Variants in SUCLG2 observed in about 807,000 individuals in gnomAD.
SUCLG2 encodes succinate-CoA ligase GDP-forming subunit beta.
In SUCLG2, 42 loss-of-function variants were observed where a neutral mutation model predicts 47.9. That is an observed-to-expected ratio of 0.88 (90% CI 0.69 to 1.14). SUCLG2 has a LOEUF of 1.14. SUCLG2 is among the 50% of genes most tolerant of loss of function. SUCLG2 has a pLI of 0.00. For missense variants in SUCLG2, 571 were observed against 525.9 expected, an observed-to-expected ratio of 1.09 and a Z score of -0.84; for synonymous variants, 195 against 197.3, an observed-to-expected ratio of 0.99 and a Z score of 0.10.
At chr3:67,617,675 T>A (rs1275852507) in intron 1 of SUCLG2, among the ~76,000 whole-genome samples, 1 of 152,136 alleles carries the variant, frequency 6.6e-6, no homozygotes, top group Non-Finnish European at 1.5e-5. Context: ...TACAGAGAGA[T>A]CCTACCTACC....
intron 6 of SUCLG2, among the ~76,000 whole-genome samples, chr3:67,509,238 T>C (rs1191560509): frequency 6.6e-6 from 1 of 152,204 alleles, no homozygotes; most frequent in African/African-American, 2.4e-5. Context: ...ACAAACAAGC[T>C]CCATTTAAGT....
intron 10 of SUCLG2, among the ~76,000 whole-genome samples, chr3:67,387,722 TCTG>T (rs938846671): frequency 2.0e-5 from 3 of 152,198 alleles, no homozygotes. Context: ...CTTAATATTC[TCTG>T]CTGATTGCAT....
At chr3:67,626,272 G>T (rs931209946) in intron 1 of SUCLG2, among the ~76,000 whole-genome samples, 2 of 151,994 alleles carry the variant, frequency 1.3e-5, no homozygotes, top group Non-Finnish European at 2.9e-5. Flanking sequence ...GATTACAGGC[G>T]TGAGCCACTG....
Position 67,609,509 on chromosome 3 carries a change from T to G in SUCLG2, c.172A>C (p.Arg58=). ...TTTGCAGTGTCTGCTACAAAGAATC[T>G]TTGAACTCTCACTCCGTTGTCAGAC... The part of the protein sequence containing the change: ...LMSDNGVRVQ[R]FFVADTANEA... Residue 58 remains arginine, a synonymous_variant, in exon 2 of 11, where the codon AGA becomes CGA. Transcript: ENST00000307227. The G allele has an allele frequency of 1.2e-6, 2 of 1,613,738 alleles. No homozygotes were observed. The highest frequency in any genetic ancestry group is 1.7e-6 in the Non-Finnish European group (2 of 1,179,904).
chr3:67,385,368 G>A (rs1702238291), intron 10 of SUCLG2, among the ~76,000 whole-genome samples: 1 of 152,242 alleles, frequency 6.6e-6, no homozygotes, highest in African/African-American at 2.4e-5. Flanking sequence ...TCCTGGGGCA[G>A]ATAAGACCTG....
chr3:67,567,034 A>G (rs1292726235), intron 2 of SUCLG2, among the ~76,000 whole-genome samples: 1 of 152,092 alleles, frequency 6.6e-6, no homozygotes, highest in African/African-American at 2.4e-5. Flanking sequence ...ACACAAAAAA[A>G]TTAGCTGCCC....
At position 67,539,138 on chromosome 3, in the gene SUCLG2, A is replaced by G. The variant is rs779491340; in HGVS notation, c.227-9952T>C. ...GAGAGGGCATCCTTGTCTTGTGCCAATTTTCAAAGGAAATGCTTCCTGCTT... is the reference window on the plus strand; with the variant it reads ...GAGAGGGCATCCTTGTCTTGTGCCAGTTTTCAAAGGAAATGCTTCCTGCTT... On this transcript the variant is annotated intron_variant, in intron 2 of 10. Coordinates refer to ENST00000307227, the MANE Select transcript of SUCLG2 (RefSeq NM_003848.4). Among the ~76,000 whole-genome samples, 25 of 152,182 alleles carry G rather than the reference A, an allele frequency of 1.6e-4. No homozygotes were observed. The East Asian group carries it at 1.7e-3, about 11-fold the overall frequency.
chr3:67,642,988 G>T (rs975819571), intron 1 of SUCLG2, among the ~76,000 whole-genome samples: 1 of 151,656 alleles, frequency 6.6e-6, no homozygotes, highest in African/African-American at 2.4e-5. Flanking sequence ...TGGCATCCTG[G>T]TTCCTGGCAA....
downstream of SUCLG2, among the ~76,000 whole-genome samples, chr3:67,373,812 G>A (rs1324215750): frequency 6.6e-6 from 1 of 152,192 alleles, no homozygotes; most frequent in African/African-American, 2.4e-5. Context: ...AACCTCACAT[G>A]TAATGGCCAG....
At chr3:67,393,352 G>A (rs1702439860) in intron 10 of SUCLG2, among the ~76,000 whole-genome samples, 1 of 152,222 alleles carries the variant, frequency 6.6e-6, no homozygotes, top group Non-Finnish European at 1.5e-5. Context: ...TTAAAAAACG[G>A]CGCACCAGGA....
At chr3:67,542,395 A>G (rs953683582) in intron 2 of SUCLG2, among the ~76,000 whole-genome samples, 6 of 152,230 alleles carry the variant, frequency 3.9e-5, no homozygotes, top group African/African-American at 1.2e-4. Flanking sequence ...TGTAAAGACC[A>G]TCAACACTAT....
chr3:67,412,551 C>A (rs778611444), intron 9 of SUCLG2, among the ~76,000 whole-genome samples: 9 of 152,102 alleles, frequency 5.9e-5, no homozygotes, highest in Non-Finnish European at 1.2e-4. Context: ...GATCTGATGT[C>A]TGGGGAGCCC....
At chr3:67,571,733 A>T (rs899759022) in intron 2 of SUCLG2, among the ~76,000 whole-genome samples, 1 of 152,214 alleles carries the variant, frequency 6.6e-6, no homozygotes, top group Non-Finnish European at 1.5e-5. Flanking sequence ...ATTTGCACTG[A>T]CTAGATTACT....
intron 7 of SUCLG2, among the ~76,000 whole-genome samples, chr3:67,502,391 T>C (rs549622210): frequency 2.6e-5 from 4 of 152,340 alleles, no homozygotes; most frequent in Non-Finnish European, 4.4e-5. Flanking sequence ...TAATATAGAC[T>C]GGCATCAAAA....
chr3:67,625,696 G>A (rs1056414920), intron 1 of SUCLG2, among the ~76,000 whole-genome samples: 4 of 152,150 alleles, frequency 2.6e-5, no homozygotes, highest in Non-Finnish European at 2.9e-5. Flanking sequence ...GAAGTATACC[G>A]ATGGCCGGGA....
At chr3:67,543,822 T>C (rs1706786043) in intron 2 of SUCLG2, among the ~76,000 whole-genome samples, 2 of 140,866 alleles carry the variant, frequency 1.4e-5, no homozygotes, top group South Asian at 2.2e-4. Flanking sequence ...TTAAAAGCTG[T>C]GAATTAAATG....
chr3:67,483,003 G>C (rs1704957249), intron 9 of SUCLG2, among the ~76,000 whole-genome samples: 1 of 152,110 alleles, frequency 6.6e-6, no homozygotes, highest in Non-Finnish European at 1.5e-5. Flanking sequence ...TAAGCTGGAA[G>C]AAAAATAATT....
At chr3:67,406,785 G>C (rs576524498) in intron 9 of SUCLG2, among the ~76,000 whole-genome samples, 2 of 152,266 alleles carry the variant, frequency 1.3e-5, no homozygotes, top group South Asian at 4.1e-4. Flanking sequence ...ACAGACTACA[G>C]TAAGGTCAGG....
At chr3:67,503,306 T>C (rs1023164704) in intron 7 of SUCLG2, among the ~76,000 whole-genome samples, 6 of 152,002 alleles carry the variant, frequency 3.9e-5, no homozygotes, top group Non-Finnish European at 8.8e-5. Context: ...TGCATTCCAT[T>C]AACATGAAAA....
Sources: allele counts gnomAD v4.1 joint callset (sites outside exome capture counted in the v4.1 genomes callset), GRCh38; gene constraint gnomAD v4.1.1; transcripts MANE v1.5; gene names NCBI Gene and HGNC (gene_info 2026-07-23, HGNC 2026-07-21).